The following TTLL11 variants were observed in gnomAD, a reference collection of about 807,000 sequenced individuals.
TTLL11 encodes tubulin polyglutamylase TTLL11.
TTLL11 carries 42 observed loss-of-function variants against 51.7 expected under a neutral mutation model. The observed-to-expected ratio is 0.81, with a 90% CI of 0.64 to 1.05. The LOEUF (loss-of-function observed/expected upper bound fraction) is 1.05, where lower values mean the gene tolerates loss of function less well. Ranked by LOEUF, TTLL11 falls within the 50% of genes least tolerant of loss-of-function variation. The pLI, the probability that TTLL11 is intolerant of heterozygous loss-of-function variation, is 0.00. For missense variants in TTLL11, 799 were observed against 940.4 expected (o/e 0.85, Z 1.97); for synonymous variants, 381 against 383.5 (o/e 0.99, Z 0.08).
At chr9:122,086,506 T>C (rs542707838) in intron 1 of TTLL11, among the ~76,000 whole-genome samples, 1 of 152,290 alleles carries the variant, frequency 6.6e-6, no homozygotes, top group Admixed American at 6.5e-5. Flanking sequence ...AAGATTAGAC[T>C]ACCCAATATT....
intron 8 of TTLL11, among the ~76,000 whole-genome samples, chr9:121,851,148 T>G (rs1352958531): frequency 6.6e-6 from 1 of 152,026 alleles, no homozygotes; most frequent in Non-Finnish European, 1.5e-5. Flanking sequence ...GGCTAAACTA[T>G]AGAGAGTAAA....
At chr9:121,970,208 T>G (rs1300443321) in intron 6 of TTLL11, among the ~76,000 whole-genome samples, 4 of 152,246 alleles carry the variant, frequency 2.6e-5, no homozygotes, top group African/African-American at 9.6e-5. Flanking sequence ...GAGGTGCTGC[T>G]ATTTATGACT....
chr9:122,082,514 A>C (rs1488759479), intron 1 of TTLL11, among the ~76,000 whole-genome samples: 1 of 151,740 alleles, frequency 6.6e-6, no homozygotes, highest in African/African-American at 2.4e-5. Context: ...AAAAAAAAAA[A>C]AAAAAAAGAA....
intron 6 of TTLL11, among the ~76,000 whole-genome samples, chr9:121,938,617 C>T (rs1841324209): frequency 6.6e-6 from 1 of 151,972 alleles, no homozygotes. Context: ...AGCATTTCTG[C>T]TCTAAGAAAA....
At chr9:122,000,403 C>T (rs1387484712) in intron 3 of TTLL11, among the ~76,000 whole-genome samples, 6 of 124,640 alleles carry the variant, frequency 4.8e-5, no homozygotes, top group Non-Finnish European at 6.4e-5. Flanking sequence ...ACCCAGTAGG[C>T]GGAGCTTGCA....
chr9:121,936,489 T>C (rs188586186), intron 6 of TTLL11, among the ~76,000 whole-genome samples: 54 of 152,216 alleles, frequency 3.5e-4, no homozygotes, highest in Non-Finnish European at 1.0e-4. Context: ...ACTTCACTCC[T>C]TTTCTGCCCT....
At chr9:121,879,025 C>T (rs1838672814) in intron 6 of TTLL11, among the ~76,000 whole-genome samples, 1 of 152,170 alleles carries the variant, frequency 6.6e-6, no homozygotes, top group Non-Finnish European at 1.5e-5. Flanking sequence ...AGTCTCAAAG[C>T]TTTAGTTTCC....
chr9:121,863,913 G>A (rs537367980), intron 7 of TTLL11, among the ~76,000 whole-genome samples: 1 of 152,266 alleles, frequency 6.6e-6, no homozygotes, highest in South Asian at 2.1e-4. Context: ...GTGGGGAGAT[G>A]GCCCAGTCCA....
chr9:122,026,024 C>A (rs1844323284), intron 3 of TTLL11, among the ~76,000 whole-genome samples: 1 of 152,062 alleles, frequency 6.6e-6, no homozygotes, highest in Admixed American at 6.5e-5. Context: ...CAGACCTCCC[C>A]CGAAAAAGGA....
intron 6 of TTLL11, among the ~76,000 whole-genome samples, chr9:121,969,327 A>G (rs1842495206): frequency 1.3e-5 from 2 of 152,110 alleles, no homozygotes; most frequent in African/African-American, 4.8e-5. Flanking sequence ...ACCCTCGAAT[A>G]TGCCAAGGTG....
Position 121,816,038 on chromosome 9 carries a change from G to C in TTLL11, c.*6549C>G, listed in dbSNP as rs1040383001. 6 of 152,120 alleles carry C rather than the reference G, an allele frequency of 3.9e-5. No individual in the cohort carries two copies. The highest frequency in any genetic ancestry group is 7.2e-5 in the African/African-American group (3 of 41,414). The allele number at this position is 152,120 out of a possible 1,614,324, so 9.4% of individuals were successfully genotyped here. ...AGACACTTCCCAGGTGCCAAGTCCC[G>C]CACCCGGTTCTTTACATACATTACG... is the stretch of plus-strand genomic sequence containing the variant. On this transcript the variant is annotated 3_prime_UTR_variant, in exon 9 of 9. Transcript: ENST00000321582.
intron 6 of TTLL11, among the ~76,000 whole-genome samples, chr9:121,880,725 G>T (rs1016318179): frequency 6.6e-6 from 1 of 152,234 alleles, no homozygotes; most frequent in Admixed American, 6.5e-5. Flanking sequence ...CTCCCAGTAC[G>T]CAGTAGGTGC....
At chr9:121,983,929 T>C (rs559614959) in intron 4 of TTLL11, among the ~76,000 whole-genome samples, 3 of 152,100 alleles carry the variant, frequency 2.0e-5, no homozygotes, top group Non-Finnish European at 4.4e-5. Context: ...AAAGCTGAAA[T>C]ATCAGAAGTT....
At chr9:121,861,814 T>A (rs1000972367) in intron 7 of TTLL11, among the ~76,000 whole-genome samples, 10 of 152,216 alleles carry the variant, frequency 6.6e-5, no homozygotes, top group Non-Finnish European at 1.5e-4. Context: ...GACAAATCTA[T>A]GGACAAGGGC....
chr9:122,035,100 G>A (rs963088904), intron 2 of TTLL11, among the ~76,000 whole-genome samples: 8 of 152,152 alleles, frequency 5.3e-5, no homozygotes, highest in African/African-American at 1.2e-4. Flanking sequence ...GCAGAGCTGC[G>A]TCCTTTTCTT....
chr9:122,053,742 G>A (rs1005255425), intron 1 of TTLL11, among the ~76,000 whole-genome samples: 3 of 152,136 alleles, frequency 2.0e-5, no homozygotes, highest in African/African-American at 7.2e-5. Context: ...CCGCGTGCAA[G>A]GACTGCTCTG....
chr9:121,931,014 C>T (rs1042284039), intron 6 of TTLL11, among the ~76,000 whole-genome samples: 5 of 152,198 alleles, frequency 3.3e-5, no homozygotes, highest in African/African-American at 7.2e-5. Context: ...CAGCCAGTGG[C>T]TTGGAATCCA....
chr9:121,877,821 A>G (rs1825176936), intron 6 of TTLL11, among the ~76,000 whole-genome samples: 1 of 152,200 alleles, frequency 6.6e-6, no homozygotes, highest in Non-Finnish European at 1.5e-5. Context: ...GAACCTGGGA[A>G]AGAAACCCAG....
At chr9:122,083,595 A>C (rs1231577096) in intron 1 of TTLL11, among the ~76,000 whole-genome samples, 1 of 152,148 alleles carries the variant, frequency 6.6e-6, no homozygotes, top group Non-Finnish European at 1.5e-5. Flanking sequence ...GCAGATCACA[A>C]GGTCAGTAGT....
Sources: allele counts gnomAD v4.1 joint callset (sites outside exome capture counted in the v4.1 genomes callset), GRCh38; gene constraint gnomAD v4.1.1; transcripts MANE v1.5; gene names NCBI Gene and HGNC (gene_info 2026-07-23, HGNC 2026-07-21).